FAM13B: variants seen among roughly 807,000 people sequenced by gnomAD.
FAM13B encodes family with sequence similarity 13 member B.
Under a neutral mutation model 117.3 loss-of-function variants are expected in FAM13B, and 60 were observed. The observed-to-expected ratio is 0.51, with a 90% CI of 0.42 to 0.63. The LOEUF (loss-of-function observed/expected upper bound fraction) is 0.63. FAM13B is among the 30% of genes least tolerant of loss of function. The probability of loss-of-function intolerance (pLI) is 0.00; values close to 1 mark genes in which losing one functional copy is unlikely to be tolerated. For missense variants in FAM13B, 972 were observed against 1,091.9 expected (o/e 0.89, Z 1.55); for synonymous variants, 332 against 356.1 (o/e 0.93, Z 0.76).
At chr5:137,952,740 C>T (rs1315439474) in intron 16 of FAM13B, 31 bp from the exon 17 acceptor site, 1 of 1,317,324 alleles carries the variant, frequency 7.6e-7, no homozygotes, top group East Asian at 2.3e-5. Context: ...ATCACTGACA[C>T]TTGTGATAAG....
chr5:137,961,071 G>A (rs1561751794), intron 11 of FAM13B, among the ~76,000 whole-genome samples: 1 of 152,150 alleles, frequency 6.6e-6, no homozygotes. Flanking sequence ...TATTCTTGCT[G>A]AGAATAAGAA....
chr5:137,989,969 TA>T (rs1367304512), intron 7 of FAM13B, among the ~76,000 whole-genome samples: 1 of 152,188 alleles, frequency 6.6e-6, no homozygotes, highest in African/African-American at 2.4e-5. Flanking sequence ...TCCTGTGAGC[TA>T]AAAGTTAAAT....
chr5:137,975,488 C>G (rs1434873602), intron 10 of FAM13B, among the ~76,000 whole-genome samples: 2 of 152,074 alleles, frequency 1.3e-5, no homozygotes, highest in Admixed American at 1.3e-4. Context: ...TCAGTTAGAC[C>G]TCCATTGGTT....
chr5:137,958,285 TA>T (rs1272283812), intron 13 of FAM13B, among the ~76,000 whole-genome samples: 3 of 152,144 alleles, frequency 2.0e-5, no homozygotes, highest in Non-Finnish European at 4.4e-5. Flanking sequence ...CAAAGCAAAT[TA>T]AAGACAACTT....
At position 137,952,697 on chromosome 5, in the gene FAM13B, C is replaced by T; in HGVS notation, c.1861G>A (p.Asp621Asn). 2 of 1,605,038 alleles carry T rather than the reference C, an allele frequency of 1.2e-6. No homozygotes were observed. Among genetic ancestry groups the T allele is most frequent in the Non-Finnish European group, 1.7e-6 (2 of 1,175,498 alleles). Reference protein sequence around the residue: ...RERNSKPSYSDIAANPKVLKW... With the variant: ...RERNSKPSYSNIAANPKVLKW... ...AATACCTTTGGATTGGCAGCAATATCACTGTAGGAGGGCTGAAAAATTATG... is the reference window on the plus strand; with the variant it reads ...AATACCTTTGGATTGGCAGCAATATTACTGTAGGAGGGCTGAAAAATTATG... Residue 621 changes from aspartate to asparagine, a missense_variant, in exon 17 of 24, where the codon GAT becomes AAT. Asp to Asn is a conservative substitution (Grantham distance 23). Transcript: ENST00000689681.
chr5:137,952,841 TAGGGCAG>T, intron 16 of FAM13B, 132 bp from the exon 17 acceptor site: 1 of 574,238 alleles, frequency 1.7e-6, no homozygotes, highest in Non-Finnish European at 3.0e-6. Context: ...TTTAATTAGA[TAGGGCAG>T]GATATTAAGT....
Position 137,987,716 on chromosome 5 carries a change from G to A in FAM13B, c.891-100C>T, listed in dbSNP as rs1035031276. 6 of 1,094,928 alleles carry A rather than the reference G, an allele frequency of 5.5e-6. No individual in the cohort carries two copies. The East Asian group carries it at 1.5e-4, about 28-fold the overall frequency. 67.8% of individuals were successfully genotyped at this position (1,094,928 alleles called of 1,614,324 possible). A position where few individuals can be genotyped will look rare whatever the true frequency, so the allele number is the denominator to read the frequency against. On this transcript the variant is annotated intron_variant, in intron 8 of 23. Transcript: ENST00000689681. Reference sequence around the variant, plus strand: ...ACCTATGACCAGTAAAACTATTATGGTACTTAAATGGGTAAACCAAAGTGT... The same window carrying A: ...ACCTATGACCAGTAAAACTATTATGATACTTAAATGGGTAAACCAAAGTGT...
At chr5:138,017,710 T>A (rs1785602161) in intron 4 of FAM13B, among the ~76,000 whole-genome samples, 1 of 152,202 alleles carries the variant, frequency 6.6e-6, no homozygotes, top group African/African-American at 2.4e-5. Context: ...CCTGTTCCAC[T>A]CTAGCTAAGC....
intron 1 of FAM13B, among the ~76,000 whole-genome samples, chr5:138,025,311 GTATTTTTTTTT>G (rs1561544081): frequency 1.0e-4 from 2 of 19,610 alleles, no homozygotes; most frequent in African/African-American, 1.6e-4. Context: ...ATATATATAT[GTATTTTTTTTT>G]TTTTTTTTTT....
intron 14 of FAM13B, among the ~76,000 whole-genome samples, chr5:137,955,164 G>T (rs564690461): frequency 6.6e-6 from 1 of 152,128 alleles, no homozygotes; most frequent in East Asian, 1.9e-4. Flanking sequence ...TCAGGTGTAT[G>T]ACCTGTCCCT....
intron 7 of FAM13B, among the ~76,000 whole-genome samples, chr5:138,005,185 C>T (rs1479025435): frequency 6.6e-6 from 1 of 151,964 alleles, no homozygotes; most frequent in African/African-American, 2.4e-5. Context: ...TGCAGTGAGC[C>T]GAGATTGTGC....
At position 137,940,190 on chromosome 5, in the gene FAM13B, C is replaced by T; in HGVS notation, c.*35G>A. 6.2e-7 allele frequency: 1 copy of T among 1,613,782 alleles called. No individual in the cohort carries two copies. The highest frequency in any genetic ancestry group is 2.2e-5 in the East Asian group (1 of 44,866). On this transcript the variant is annotated 3_prime_UTR_variant, in exon 24 of 24. Transcript: ENST00000689681. ...ACGATGATAGCTTCAAGGAATACAA[C>T]TGACTTTATGATATGAATTTTCAAG...
chr5:137,951,209 CA>C (rs1158310740), intron 17 of FAM13B, among the ~76,000 whole-genome samples: 1,843 of 63,188 alleles, frequency 0.029, 17 homozygotes, highest in African/African-American at 0.1. Context: ...CTGTCTCAAA[CA>C]AAAAAAAAAA....
In FAM13B at chr5:138,018,512, C is replaced by A; in HGVS notation, c.160G>T (p.Gly54Cys). The change falls in exon 4 of 24, where the codon GGT (glycine) becomes TGT (cysteine). Residue 54 changes from glycine (G) to cysteine (C), a missense_variant and splice_region_variant. Gly to Cys is a radical substitution (Grantham distance 159, BLOSUM62 -3). Transcript: ENST00000689681. ...HVVDYIEEHG[G>C]LEQQGLFQVN... is the part of the protein sequence containing the mutation. ...TGAAAAAGTCCTTGTTGCTCCAGACCTCCTACGTTAGTTCAAGGCAATCAT... is the reference window on the plus strand; with the variant it reads ...TGAAAAAGTCCTTGTTGCTCCAGACATCCTACGTTAGTTCAAGGCAATCAT... 1 of 1,613,794 alleles carries A rather than the reference C, an allele frequency of 6.2e-7. No homozygotes were observed.
intron 9 of FAM13B, among the ~76,000 whole-genome samples, chr5:137,985,813 T>C (rs1276660126): frequency 6.6e-6 from 1 of 152,194 alleles, no homozygotes; most frequent in Non-Finnish European, 1.5e-5. Flanking sequence ...TCTTACAGTT[T>C]AGAATATCCA....
intron 7 of FAM13B, among the ~76,000 whole-genome samples, chr5:138,000,704 G>A (rs1234647359): frequency 6.6e-6 from 1 of 152,088 alleles, no homozygotes; most frequent in African/African-American, 2.4e-5. Flanking sequence ...GCCGAAGTAG[G>A]CAGATCACTT....
intron 10 of FAM13B, among the ~76,000 whole-genome samples, chr5:137,975,559 A>C (rs1282534804): frequency 6.6e-6 from 1 of 152,130 alleles, no homozygotes; most frequent in Non-Finnish European, 1.5e-5. Context: ...CTGCAAAACT[A>C]CCTATTTCTT....
At chr5:138,029,316 T>C (rs1789295644) in intron 1 of FAM13B, among the ~76,000 whole-genome samples, 1 of 152,204 alleles carries the variant, frequency 6.6e-6, no homozygotes. Flanking sequence ...ACTACAATTC[T>C]CAGTGAAAAT....
chr5:138,001,823 A>G (rs1781335500), intron 7 of FAM13B, among the ~76,000 whole-genome samples: 3 of 152,230 alleles, frequency 2.0e-5, no homozygotes, highest in African/African-American at 4.8e-5. Flanking sequence ...ACATCTATCC[A>G]TATAGAAGAA....
Sources: gnomAD v4.1 joint callset for allele counts (sites outside exome capture counted in the v4.1 genomes callset) on GRCh38, gnomAD v4.1.1 for gene constraint, MANE v1.5 for transcripts, NCBI Gene and HGNC (gene_info 2026-07-23, HGNC 2026-07-21) for gene names.